Variants in USP20 observed in about 807,000 individuals in gnomAD.
USP20 encodes the protein ubiquitin carboxyl-terminal hydrolase 20.
A neutral mutation model predicts 124.2 loss-of-function variants in USP20; 80 were observed. The ratio of observed to expected loss-of-function variants is 0.64; its 90% CI spans 0.54 to 0.78. The LOEUF is 0.78. USP20 is among the 30% of genes least tolerant of loss of function. The pLI, the probability that USP20 is intolerant of heterozygous loss-of-function variation, is 0.00. For synonymous variants in USP20, 481 were observed against 512.3 expected (o/e 0.94, Z 0.83); for missense variants, 1,043 against 1,244.4 (o/e 0.84, Z 2.44).
intron 1 of USP20, among the ~76,000 whole-genome samples, chr9:129,843,510 G>C (rs569937933): frequency 6.6e-6 from 1 of 151,764 alleles, no homozygotes; most frequent in South Asian, 2.1e-4. Flanking sequence ...TGAGGCAGGC[G>C]GATCACCTGA....
At chr9:129,875,289 C>T (rs755382920) in intron 19 of USP20, 21 bp from the exon 20 acceptor site, 22 of 1,584,060 alleles carry the variant, frequency 1.4e-5, no homozygotes, top group Admixed American at 1.0e-4. Context: ...CACAGCTTCT[C>T]GCCCCCTCCT....
At chr9:129,861,693 G>A in intron 8 of USP20, 81 bp downstream of exon 8, 2 of 1,389,464 alleles carry the variant, frequency 1.4e-6, no homozygotes, top group Non-Finnish European at 2.0e-6. Context: ...CCCCCAGCCG[G>A]TTGCCCACAA....
chr9:129,869,181 G>C, intron 12 of USP20, 129 bp from the exon 13 acceptor site: 2 of 1,316,070 alleles, frequency 1.5e-6, no homozygotes, highest in Non-Finnish European at 2.1e-6. Context: ...GGCATGAGAT[G>C]GTGAATTGCT....
At position 129,865,330 on chromosome 9, in the gene USP20, G is replaced by T. The variant is rs772250095; in HGVS notation, c.639G>T (p.Leu213=). Reference sequence around the variant, plus strand: ...CAAGCTACGTGGTCCCCACCAGTCTGTCTCATGGGATCAAGTTGGTCAACC... The same window carrying T: ...CAAGCTACGTGGTCCCCACCAGTCTTTCTCATGGGATCAAGTTGGTCAACC... The part of the protein sequence containing the change: ...KRPSYVVPTS[L]SHGIKLVNPM... The change falls in exon 10 of 26, where the codon CTG becomes CTT. Residue 213 remains leucine, a synonymous_variant. Coordinates refer to ENST00000372429, the MANE Select transcript of USP20 (RefSeq NM_001110303.4). 21 of 1,614,084 alleles carry T rather than the reference G, an allele frequency of 1.3e-5. No homozygotes were observed. The highest frequency in any genetic ancestry group is 1.6e-4 in the Middle Eastern group (1 of 6,084).
chr9:129,874,976 G>C (rs369776171), intron 19 of USP20, 21 bp downstream of exon 19: 1 of 1,610,904 alleles, frequency 6.2e-7, no homozygotes, highest in African/African-American at 1.3e-5. Flanking sequence ...GGCCAGGCCT[G>C]GTGGAGGAAC....
At chr9:129,859,947 A>G (rs1021712409) in intron 6 of USP20, among the ~76,000 whole-genome samples, 2 of 152,018 alleles carry the variant, frequency 1.3e-5, no homozygotes, top group African/African-American at 4.8e-5. Flanking sequence ...TGGGAGGATC[A>G]CTTGAGCCCG....
chr9:129,871,056 A>G (rs1205745932), intron 15 of USP20, among the ~76,000 whole-genome samples: 2 of 152,216 alleles, frequency 1.3e-5, no homozygotes, highest in Non-Finnish European at 2.9e-5. Context: ...TGTTTTTAAC[A>G]GAAAGTGCAC....
chr9:129,858,625 G>A (rs983461775), intron 6 of USP20, 27 bp downstream of exon 6: 6 of 1,609,584 alleles, frequency 3.7e-6, no homozygotes, highest in Middle Eastern at 3.3e-4. Context: ...GCTCTGTTTG[G>A]TTGTTGGTGA....
In USP20 at chr9:129,863,315, C is replaced by G. The variant is rs767535396; in HGVS notation, c.611+16C>G. ...ATAAGAAACGGTGAGCAGCTGCATC[C>G]CTAGCCTTGGGCGGTGTGTGGGGAC... On this transcript the variant is annotated intron_variant, in intron 9 of 25. Coordinates refer to ENST00000372429, the MANE Select transcript of USP20 (RefSeq NM_001110303.4). 2 of 1,534,106 alleles carry G rather than the reference C, an allele frequency of 1.3e-6. No homozygotes were observed. Among genetic ancestry groups the G allele is most frequent in the South Asian group, 2.4e-5 (2 of 82,994 alleles).
chr9:129,846,906 C>T (rs1211951854), intron 1 of USP20, among the ~76,000 whole-genome samples: 2 of 152,156 alleles, frequency 1.3e-5, no homozygotes, highest in Non-Finnish European at 2.9e-5. Flanking sequence ...GGATTACAGG[C>T]ATGAACCACC....
At chr9:129,843,466 T>C (rs926383945) in intron 1 of USP20, among the ~76,000 whole-genome samples, 13 of 151,716 alleles carry the variant, frequency 8.6e-5, no homozygotes, top group African/African-American at 3.1e-4. Flanking sequence ...CTGGTCGCAG[T>C]GACTCACGCC....
chr9:129,858,761 G>A (rs1347096450), intron 6 of USP20, among the ~76,000 whole-genome samples, 163 bp downstream of exon 6: 1 of 152,210 alleles, frequency 6.6e-6, no homozygotes, highest in Non-Finnish European at 1.5e-5. Context: ...ATCAGCACAT[G>A]CTCACTGAGC....
At chr9:129,869,229 C>A in intron 12 of USP20, 81 bp from the exon 13 acceptor site, 1 of 1,435,724 alleles carries the variant, frequency 7.0e-7, no homozygotes, top group Non-Finnish European at 9.7e-7. Context: ...ACTCCACATC[C>A]TGTCAAAGGA....
At chr9:129,875,226 G>A (rs1034832597) in intron 19 of USP20, 84 bp from the exon 20 acceptor site, 2 of 1,419,170 alleles carry the variant, frequency 1.4e-6, no homozygotes, top group African/African-American at 1.4e-5. Flanking sequence ...CCGGTAGCCC[G>A]AGGTGCACTG....
At chr9:129,859,446 A>G (rs993401844) in intron 6 of USP20, among the ~76,000 whole-genome samples, 2 of 149,832 alleles carry the variant, frequency 1.3e-5, no homozygotes, top group African/African-American at 4.9e-5. Context: ...GCTAATTTTC[A>G]TATTTTTAGT....
chr9:129,859,957 G>T (rs7875333), intron 6 of USP20, among the ~76,000 whole-genome samples: 131,479 of 152,118 alleles, frequency 0.86, 57,167 homozygotes, highest in East Asian at 0.98. Context: ...ACTTGAGCCC[G>T]GGAGTTCAAG....
Position 129,856,372 on chromosome 9 carries a change from T to G in USP20, c.135+12T>G. The G allele has an allele frequency of 1.2e-6, 2 of 1,613,928 alleles. No individual in the cohort carries two copies. Among genetic ancestry groups the G allele is most frequent in the Non-Finnish European group, 1.7e-6 (2 of 1,179,806 alleles). ...GGGCCTGTCTGCAGGTAAAAGACCC[T>G]TGTGGCCATCAGGGGTGTAGAGCTG... is the stretch of plus-strand genomic sequence containing the variant. On this transcript the variant is annotated intron_variant, in intron 4 of 25. Coordinates refer to ENST00000372429, the MANE Select transcript of USP20 (RefSeq NM_001110303.4).
rs903742727 is a variant in USP20, at chr9:129,867,275, G to A, written c.691-730G>A. Among the ~76,000 whole-genome samples the A allele has an allele frequency of 1.2e-4, 18 of 152,270 alleles. 1 individual carries two copies. Among genetic ancestry groups the A allele is most frequent in the Middle Eastern group, 3.4e-3 (1 of 294 alleles). ...ACACAGATCTCAGTGGGGCTCACTGGGCGCCTCTGCCCGAGCCCCTGCTGC... is the reference window on the plus strand; with the variant it reads ...ACACAGATCTCAGTGGGGCTCACTGAGCGCCTCTGCCCGAGCCCCTGCTGC... On this transcript the variant is annotated intron_variant, in intron 10 of 25. Coordinates refer to ENST00000372429, the MANE Select transcript of USP20 (RefSeq NM_001110303.4).
chr9:129,850,390 G>A (rs1471526308), intron 2 of USP20, among the ~76,000 whole-genome samples: 3 of 152,182 alleles, frequency 2.0e-5, no homozygotes, highest in South Asian at 2.1e-4. Context: ...AGGAGCCTCT[G>A]TTCCTTAGTC....
Sources: gnomAD v4.1 joint callset for allele counts (sites outside exome capture counted in the v4.1 genomes callset) on GRCh38, gnomAD v4.1.1 for gene constraint, MANE v1.5 for transcripts, NCBI Gene and HGNC (gene_info 2026-07-23, HGNC 2026-07-21) for gene names.